Variants in ACAD11 observed in about 807,000 individuals in gnomAD.
ACAD11 encodes the protein acyl-Coenzyme A dehydrogenase family, member 11.
A neutral mutation model predicts 102.2 loss-of-function variants in ACAD11; 83 were observed. The ratio of observed to expected loss-of-function variants is 0.81; its 90% confidence interval spans 0.68 to 0.97. The LOEUF (loss-of-function observed/expected upper bound fraction) is 0.97. Ranked by LOEUF, ACAD11 falls within the 50% of genes least tolerant of loss-of-function variation. The pLI is 0.00. For missense variants in ACAD11, 901 were observed against 951.7 expected, an observed-to-expected ratio of 0.95 and a Z score of 0.70; for synonymous variants, 324 against 319.8, an observed-to-expected ratio of 1.01 and a Z score of -0.14.
chr3:132,594,396 A>G (rs1300747860), intron 13 of ACAD11, among the ~76,000 whole-genome samples: 1 of 152,196 alleles, frequency 6.6e-6, no homozygotes, highest in Non-Finnish European at 1.5e-5. Context: ...ATAAGATGAT[A>G]AAATAGACTA....
intron 5 of ACAD11, among the ~76,000 whole-genome samples, chr3:132,639,202 T>C (rs765384237): frequency 1.2e-4 from 18 of 152,216 alleles, no homozygotes; most frequent in Non-Finnish European, 2.4e-4. Context: ...AACTAGTAGA[T>C]GAAAACTTAT....
chr3:132,591,464 A>C (rs1938071282), intron 13 of ACAD11, among the ~76,000 whole-genome samples: 1 of 152,232 alleles, frequency 6.6e-6, no homozygotes, highest in Non-Finnish European at 1.5e-5. Context: ...GCTATCCAGC[A>C]TCAGTGAGCT....
At chr3:132,623,313 T>A (rs181964243) in intron 9 of ACAD11, among the ~76,000 whole-genome samples, 10 of 152,264 alleles carry the variant, frequency 6.6e-5, no homozygotes, top group Non-Finnish European at 8.8e-5. Context: ...AAATGACTGT[T>A]TTGGTTTTTG....
intron 13 of ACAD11, among the ~76,000 whole-genome samples, chr3:132,598,863 T>C (rs1009273520): frequency 2.0e-5 from 3 of 152,158 alleles, no homozygotes; most frequent in Admixed American, 6.5e-5. Context: ...GAGCTTGGAT[T>C]GTGGCTTTCA....
rs1175304641 is a variant in ACAD11, at chr3:132,575,767, C to T, written c.2001+5G>A. The T allele has an allele frequency of 6.2e-7, 1 of 1,613,712 alleles. No homozygotes were observed. The highest frequency in any genetic ancestry group is 1.3e-5 in the African/African-American group (1 of 74,898). On this transcript the variant is annotated splice_donor_5th_base_variant and intron_variant, in intron 17 of 19. Coordinates refer to ENST00000264990, the MANE Select transcript of ACAD11 (RefSeq NM_032169.5). ...CAATAAATTCAAATAAGTAATCGTC[C>T]TCACATGTGCATACAACTTCTTCTT... is the stretch of plus-strand genomic sequence containing the variant.
chr3:132,636,483 A>T (rs959052998), intron 5 of ACAD11, among the ~76,000 whole-genome samples: 2 of 152,218 alleles, frequency 1.3e-5, no homozygotes, highest in African/African-American at 2.4e-5. Context: ...CAGAACAAAC[A>T]GTAGATGAAG....
chr3:132,589,115 A>G (rs963692135), intron 13 of ACAD11, among the ~76,000 whole-genome samples: 2 of 152,186 alleles, frequency 1.3e-5, no homozygotes, highest in African/African-American at 4.8e-5. Context: ...CCATCTATGA[A>G]CCAGAATGCA....
intron 13 of ACAD11, among the ~76,000 whole-genome samples, chr3:132,594,151 C>G (rs546680087): frequency 6.6e-6 from 1 of 152,232 alleles, no homozygotes; most frequent in East Asian, 1.9e-4. Context: ...TCCTGAGATC[C>G]CCTATGCCTC....
At chr3:132,565,996 A>T (rs1227649651) in intron 17 of ACAD11, among the ~76,000 whole-genome samples, 4 of 152,170 alleles carry the variant, frequency 2.6e-5, no homozygotes, top group African/African-American at 9.7e-5. Flanking sequence ...TAACACACCC[A>T]GATAACAGAG....
intron 5 of ACAD11, 82 bp from the exon 6 acceptor site, chr3:132,631,561 T>G: frequency 9.2e-7 from 1 of 1,086,866 alleles, no homozygotes; most frequent in South Asian, 3.7e-5. Flanking sequence ...TTGAACACAT[T>G]CAAAATCATG....
intron 1 of ACAD11, among the ~76,000 whole-genome samples, chr3:132,649,349 T>C (rs952608040): frequency 2.6e-5 from 4 of 152,308 alleles, no homozygotes; most frequent in Admixed American, 2.0e-4. Context: ...TTTGTTTAAT[T>C]CTGGGATAGG....
chr3:132,633,430 G>T (rs1330119267), intron 5 of ACAD11, among the ~76,000 whole-genome samples: 1 of 152,146 alleles, frequency 6.6e-6, no homozygotes, highest in Non-Finnish European at 1.5e-5. Context: ...AAGCCCACTT[G>T]GTCATGGTGG....
intron 1 of ACAD11, among the ~76,000 whole-genome samples, chr3:132,654,972 G>T (rs1195008555): frequency 6.6e-6 from 1 of 152,236 alleles, no homozygotes; most frequent in Non-Finnish European, 1.5e-5. Context: ...TGTGCAGCAT[G>T]TGACTGTACT....
Position 132,630,119 on chromosome 3 carries a change from T to C in ACAD11, c.963+318A>G, listed in dbSNP as rs560010174. 6.6e-5 allele frequency among the ~76,000 whole-genome samples: 10 copies of C among 152,304 alleles called. No individual in the cohort carries two copies. The South Asian group carries it at 2.1e-3, about 32-fold the overall frequency. ...TGAGGCAGAGATCATCAAAAGATTT[T>C]AGCTTTTTCTCACACTGGATATTCA... On this transcript the variant is annotated intron_variant, in intron 7 of 19. Coordinates refer to ENST00000264990, the MANE Select transcript of ACAD11 (RefSeq NM_032169.5).
intron 11 of ACAD11, among the ~76,000 whole-genome samples, chr3:132,613,618 G>A (rs1355235632): frequency 2.0e-5 from 3 of 151,980 alleles, no homozygotes; most frequent in Non-Finnish European, 4.4e-5. Context: ...CCCATCATTG[G>A]CCGGGTGCAG....
chr3:132,600,332 GT>G, intron 13 of ACAD11: 1 of 1,398,870 alleles, frequency 7.1e-7, no homozygotes, highest in Non-Finnish European at 9.6e-7. Flanking sequence ...GATAAAAACT[GT>G]TTCCTTTTAA....
intron 1 of ACAD11, among the ~76,000 whole-genome samples, chr3:132,655,545 T>G (rs1263598358): frequency 6.6e-6 from 1 of 152,210 alleles, no homozygotes; most frequent in Non-Finnish European, 1.5e-5. Context: ...TCTGGAACAC[T>G]CTTTTCCTGG....
intron 13 of ACAD11, among the ~76,000 whole-genome samples, chr3:132,582,196 G>A (rs1937609999): frequency 6.6e-6 from 1 of 151,886 alleles, no homozygotes; most frequent in Admixed American, 6.6e-5. Flanking sequence ...AGAGCAGAGA[G>A]AGTTATGAGA....
At chr3:132,589,101 G>A (rs1937968849) in intron 13 of ACAD11, among the ~76,000 whole-genome samples, 1 of 152,156 alleles carries the variant, frequency 6.6e-6, no homozygotes, top group Non-Finnish European at 1.5e-5. Context: ...AGAACAAGAA[G>A]GTGCCATCTA....
Sources: allele counts gnomAD v4.1 joint callset (sites outside exome capture counted in the v4.1 genomes callset), GRCh38; gene constraint gnomAD v4.1.1; transcripts MANE v1.5; gene names NCBI Gene and HGNC (gene_info 2026-07-23, HGNC 2026-07-21).